Variants in ITSN1 observed in about 807,000 individuals in gnomAD.
The protein encoded by ITSN1 is intersectin 1.
Under a neutral mutation model 239.8 loss-of-function variants are expected in ITSN1, and 58 were observed. That is an observed-to-expected ratio of 0.24 (90% CI 0.20 to 0.30). ITSN1 has a LOEUF of 0.30. ITSN1 is among the 10% of genes least tolerant of loss of function. The pLI is 1.00. For synonymous variants in ITSN1, 780 were observed against 770.8 expected (o/e 1.01, Z -0.20); for missense variants, 1,558 against 2,103.3 (o/e 0.74, Z 5.07).
In ITSN1 at chr21:33,883,482, C is replaced by G. The variant is rs987020585; in HGVS notation, c.4555-68C>G. The G allele has an allele frequency of 3.8e-6, 6 of 1,589,356 alleles. No homozygotes were observed. In the African/African-American group the frequency reaches 6.7e-5, roughly 18 times the overall value. On this transcript the variant is annotated intron_variant, in intron 35 of 39. Coordinates refer to ENST00000381318, the MANE Select transcript of ITSN1 (RefSeq NM_003024.3). ...ACACATTGGCATAAGTGTGCTCACA[C>G]ACTCACGGTTTACCGGAGCACACAG...
chr21:33,709,670 T>G lies in ITSN1; in HGVS notation c.-32-9127T>G, dbSNP rs2092356664. On this transcript the variant is annotated intron_variant, in intron 1 of 39. Transcript: ENST00000381318. ...TTTTCTTAATTCCACTTTCCAATTT[T>G]TTGCTTGCTAGTATTTAAGAATTCA... Among the ~76,000 whole-genome samples, 4 of 152,346 alleles carry G rather than the reference T, an allele frequency of 2.6e-5. No homozygotes were observed. The South Asian group carries it at 8.3e-4, about 32-fold the overall frequency.
At chr21:33,721,484 G>C (rs772251890) in intron 3 of ITSN1, among the ~76,000 whole-genome samples, 2 of 152,046 alleles carry the variant, frequency 1.3e-5, no homozygotes, top group African/African-American at 2.4e-5. Context: ...CACTTGTTTT[G>C]TGCATGTAAT....
At position 33,797,279 on chromosome 21, in the gene ITSN1, C is replaced by G; in HGVS notation, c.1953-100C>G. 1.1e-6 allele frequency: 1 copy of G among 908,804 alleles called. No individual in the cohort carries two copies. Among genetic ancestry groups the G allele is most frequent in the South Asian group, 1.5e-5 (1 of 65,912 alleles). 56.3% of individuals were successfully genotyped at this position (908,804 alleles called of 1,614,324 possible). The stretch of plus-strand genomic sequence containing the variant: ...GAACAACAATGTTCCCTTGATGTTC[C>G]CATCCCATTTACTGGATGGAGCTTT... On this transcript the variant is annotated intron_variant, in intron 17 of 39. Transcript: ENST00000381318. This position sits in a 1 kb window ranked among gnomAD's most constrained non-coding sequence, Gnocchi z 4.9.
intron 19 of ITSN1, among the ~76,000 whole-genome samples, chr21:33,802,091 G>C (rs1276811078): frequency 6.6e-6 from 1 of 151,744 alleles, no homozygotes; most frequent in African/African-American, 2.4e-5. Flanking sequence ...TTTTTTTAAT[G>C]TTAAACAAAC....
chr21:33,762,613 C>T (rs1281223950), intron 9 of ITSN1, among the ~76,000 whole-genome samples: 2 of 152,108 alleles, frequency 1.3e-5, no homozygotes, highest in Non-Finnish European at 2.9e-5. Context: ...ATTTCTACTG[C>T]AAATATTTTA....
intron 16 of ITSN1, among the ~76,000 whole-genome samples, chr21:33,788,466 C>T (rs889230563): frequency 6.6e-6 from 1 of 152,232 alleles, no homozygotes; most frequent in Non-Finnish European, 1.5e-5. Flanking sequence ...TGCAGTGGCT[C>T]ATGCCTATAA....
rs1393019104 is a variant in ITSN1 at position 33,830,535 on chromosome 21, G to T, written c.3351+790G>T. Among the ~76,000 whole-genome samples the T allele has an allele frequency of 5.3e-5, 8 of 152,136 alleles. No individual in the cohort carries two copies. The East Asian group carries it at 1.5e-3, about 29-fold the overall frequency. ...TACAGCTGTGCCGGGAGGGAGGAGG[G>T]AGGGAGTGACTGGTCTTCAAAACCG... On this transcript the variant is annotated intron_variant, in intron 27 of 39. Coordinates refer to ENST00000381318, the MANE Select transcript of ITSN1 (RefSeq NM_003024.3).
At position 33,834,496 on chromosome 21, in the gene ITSN1, T is replaced by C. The variant is rs937145568; in HGVS notation, c.3469+72T>C. On this transcript the variant is annotated intron_variant, in intron 28 of 39. Coordinates refer to ENST00000381318, the MANE Select transcript of ITSN1 (RefSeq NM_003024.3). ...TGAGTTTTTCCACTTGATTTTCTCA[T>C]TAAATATCTTAGGTTGTTTTTCACA... is the stretch of plus-strand genomic sequence containing the variant. The C allele has an allele frequency of 3.8e-4, 394 of 1,047,376 alleles. 1 individual carries two copies. The highest frequency in any genetic ancestry group is 1.4e-4 in the Admixed American group (7 of 49,674). The allele number at this position is 1,047,376 out of a possible 1,614,324, so 64.9% of individuals were successfully genotyped here. A position where few individuals can be genotyped will look rare whatever the true frequency, so the allele number is the denominator to read the frequency against.
intron 1 of ITSN1, chr21:33,643,445 A>G (rs942404255): frequency 6.6e-6 from 1 of 152,010 alleles, no homozygotes; most frequent in East Asian, 2.0e-4. Flanking sequence ...CCGAATTCCC[A>G]AAAAAAGGAA....
At chr21:33,776,100 A>G (rs2069582856) in intron 14 of ITSN1, among the ~76,000 whole-genome samples, 1 of 152,082 alleles carries the variant, frequency 6.6e-6, no homozygotes, top group Non-Finnish European at 1.5e-5. Flanking sequence ...CCATTCACCT[A>G]CTGGTTGATA....
At chr21:33,733,524 A>G (rs1457374745) in intron 4 of ITSN1, among the ~76,000 whole-genome samples, 3 of 152,224 alleles carry the variant, frequency 2.0e-5, no homozygotes, top group Non-Finnish European at 4.4e-5. Context: ...GTACATATAC[A>G]TAAATCAACA....
intron 14 of ITSN1, 38 bp from the exon 15 acceptor site, chr21:33,781,423 C>A: frequency 9.0e-7 from 1 of 1,108,556 alleles, no homozygotes; most frequent in Non-Finnish European, 1.4e-6. Flanking sequence ...TGGTAGCCTT[C>A]CCTGTCATTC....
chr21:33,662,988 T>G (rs1358527209), intron 1 of ITSN1, among the ~76,000 whole-genome samples: 1 of 152,210 alleles, frequency 6.6e-6, no homozygotes, highest in South Asian at 2.1e-4. Context: ...AATCATTGAC[T>G]TACCACATAA....
At chr21:33,722,498 T>C in intron 3 of ITSN1, 90 bp from the exon 4 acceptor site, 1 of 1,460,692 alleles carries the variant, frequency 6.8e-7, no homozygotes, top group South Asian at 1.4e-5. Flanking sequence ...ACCAGCCTCT[T>C]TGTAAATTTT....
intron 33 of ITSN1, among the ~76,000 whole-genome samples, chr21:33,875,012 G>A (rs1983478627): frequency 6.6e-6 from 1 of 152,236 alleles, no homozygotes; most frequent in African/African-American, 2.4e-5. Context: ...CTGTGATCCT[G>A]TGAGTCTGCA....
At chr21:33,845,302 C>T (rs1464446115) in intron 29 of ITSN1, among the ~76,000 whole-genome samples, 2 of 152,100 alleles carry the variant, frequency 1.3e-5, no homozygotes, top group African/African-American at 4.8e-5. Context: ...GGAGCTTTCT[C>T]GGCCCAAGGG....
chr21:33,805,497 C>G (rs1019447293), intron 20 of ITSN1, among the ~76,000 whole-genome samples: 6 of 152,224 alleles, frequency 3.9e-5, no homozygotes, highest in African/African-American at 1.2e-4. Context: ...TACACGATTA[C>G]AGGGTTGGCT....
chr21:33,859,493 G>T (rs1474559195), intron 31 of ITSN1, among the ~76,000 whole-genome samples: 2 of 152,064 alleles, frequency 1.3e-5, no homozygotes, highest in African/African-American at 4.8e-5. Context: ...CGCTCTCATT[G>T]TAACATCACT....
chr21:33,840,109 C>T (rs2074772446), intron 29 of ITSN1, among the ~76,000 whole-genome samples: 1 of 152,140 alleles, frequency 6.6e-6, no homozygotes, highest in Non-Finnish European at 1.5e-5. Context: ...CAGCATCAAA[C>T]GTATCTCAGA....
Sources: allele counts gnomAD v4.1 joint callset (sites outside exome capture counted in the v4.1 genomes callset), GRCh38; gene constraint gnomAD v4.1.1; non-coding constraint Gnocchi (gnomAD v3.1); transcripts MANE v1.5; gene names NCBI Gene and HGNC (gene_info 2026-07-23, HGNC 2026-07-21).